The following GPATCH11 variants were observed in gnomAD, a reference collection of about 807,000 sequenced individuals.
GPATCH11 encodes G patch domain-containing protein 11.
A neutral mutation model predicts 44.8 loss-of-function variants in GPATCH11; 32 were observed. That is an observed-to-expected ratio of 0.71 (90% CI 0.54 to 0.96). GPATCH11 has a LOEUF of 0.96. Among genes scored for constraint, GPATCH11 ranks in the 40% least tolerant of loss-of-function variants. The pLI is 0.00. For missense variants in GPATCH11, 324 were observed against 303.1 expected (o/e 1.07, Z -0.51); for synonymous variants, 84 against 94.4 (o/e 0.89, Z 0.64).
chr2:37,092,644 G>A (rs1026768453), intron 6 of GPATCH11, among the ~76,000 whole-genome samples: 40 of 149,904 alleles, frequency 2.7e-4, no homozygotes, highest in African/African-American at 9.1e-4. Flanking sequence ...TAAAACCCAG[G>A]GTTTTATAGT....
In GPATCH11 at chr2:37,084,532, C is replaced by G; in HGVS notation, c.-52C>G. ...TCGGTGGGCGCATGCGCAGCGCGCG[C>G]TCTACGGCGCTGAACCGGGGCGAGC... On this transcript the variant is annotated 5_prime_UTR_variant, in exon 1 of 9. Transcript: ENST00000674370. The G allele has an allele frequency of 8.1e-7, 1 of 1,232,642 alleles. No homozygotes were observed. Among genetic ancestry groups the G allele is most frequent in the Non-Finnish European group, 1.0e-6 (1 of 988,324 alleles). 76.4% of individuals were successfully genotyped at this position (1,232,642 alleles called of 1,614,324 possible).
At chr2:37,092,580 G>T (rs574864784) in intron 6 of GPATCH11, among the ~76,000 whole-genome samples, 2 of 148,824 alleles carry the variant, frequency 1.3e-5, no homozygotes, top group African/African-American at 4.9e-5. Context: ...TGTGACAATT[G>T]ATATAAAAAT....
intron 7 of GPATCH11, chr2:37,094,448 T>C (rs1243718116): frequency 3.6e-6 from 1 of 274,112 alleles, no homozygotes; most frequent in Non-Finnish European, 6.9e-6. Context: ...AGGATTACTT[T>C]ACTAACCCCA....
In GPATCH11 at chr2:37,096,403, A is replaced by G. The variant is rs1308841065; in HGVS notation, c.*140A>G. ...TAATGTTTTGTTCTTTTTGTACTTT[A>G]GAATATGAATGTTCATTGACTTGAA... is the stretch of plus-strand genomic sequence containing the variant. On this transcript the variant is annotated 3_prime_UTR_variant, in exon 9 of 9. Transcript: ENST00000674370. The G allele has an allele frequency of 1.6e-6, 1 of 631,346 alleles. No homozygotes were observed. The highest frequency in any genetic ancestry group is 1.9e-5 in the African/African-American group (1 of 52,798). 39.1% of individuals were successfully genotyped at this position (631,346 alleles called of 1,614,324 possible). A position where few individuals can be genotyped will look rare whatever the true frequency, so the allele number is the denominator to read the frequency against.
At chr2:37,088,238 C>T (rs1572976180) in intron 1 of GPATCH11, 131 bp from the exon 2 acceptor site, 3 of 445,544 alleles carry the variant, frequency 6.7e-6, no homozygotes, top group Non-Finnish European at 1.2e-5. Flanking sequence ...GAAATGTCCA[C>T]AGATAAAGAT....
At position 37,099,118 on chromosome 2, in the gene GPATCH11, A is replaced by T. The variant is rs184191041; in HGVS notation, c.*2855A>T. On this transcript the variant is annotated 3_prime_UTR_variant, in exon 9 of 9. Coordinates refer to ENST00000674370, the MANE Select transcript of GPATCH11 (RefSeq NM_174931.4). The stretch of plus-strand genomic sequence containing the variant: ...GTGCCATGTTTATTTTCAAAGTCCT[A>T]TCTAGAAATTCTAAAATGTCTAATT... The T allele has an allele frequency of 2.8e-3, 431 of 152,344 alleles. 6 individuals are homozygous for T. Among genetic ancestry groups the T allele is most frequent in the African/African-American group, 1.0e-2 (414 of 41,590 alleles). 9.4% of individuals were successfully genotyped at this position (152,344 alleles called of 1,614,324 possible). A position where few individuals can be genotyped will look rare whatever the true frequency, so the allele number is the denominator to read the frequency against.
Position 37,089,860 on chromosome 2 carries a change from A to T in GPATCH11, c.280A>T (p.Lys94Ter), listed in dbSNP as rs768776214. 6.5e-7 allele frequency: 1 copy of T among 1,549,200 alleles called. No individual in the cohort carries two copies. The highest frequency in any genetic ancestry group is 8.7e-7 in the Non-Finnish European group (1 of 1,145,194). The part of the protein sequence containing the change: ...MGYKSGQALG[K>*]SGGGIVEPIP... ...CTATAAAAGTGGTCAGGCACTTGGCAAGAGTGGTAAGTCACATGTGGAAAT... is the reference window on the plus strand; with the variant it reads ...CTATAAAAGTGGTCAGGCACTTGGCTAGAGTGGTAAGTCACATGTGGAAAT... Residue 94 changes from lysine to a stop codon, truncating the protein, a stop_gained, in exon 3 of 9, where the codon AAG (lysine) becomes TAG (stop). Transcript: ENST00000674370. LOFTEE classifies it high-confidence loss of function.
chr2:37,088,892 A>G (rs1051309474), intron 2 of GPATCH11, among the ~76,000 whole-genome samples: 1 of 152,218 alleles, frequency 6.6e-6, no homozygotes, highest in African/African-American at 2.4e-5. Context: ...CTATGTCACC[A>G]TAGAAAGATA....
Position 37,090,711 on chromosome 2 carries a change from A to G in GPATCH11, c.317A>G (p.Asn106Ser), listed in dbSNP as rs1673276292. The change falls in exon 4 of 9, where the codon AAT (asparagine) becomes AGT (serine). Residue 106 changes from asparagine (N) to serine (S), a missense_variant. Physicochemically the swap from Asn to Ser is conservative, Grantham distance 46. Coordinates refer to ENST00000674370, the MANE Select transcript of GPATCH11 (RefSeq NM_174931.4). ...GGTATTGTTGAACCAATTCCTCTCA[A>G]TATCAAAACAGGTACGTAATTATTT... The part of the protein sequence containing the change: ...GGGIVEPIPL[N>S]IKTGKSGIGH... 6 of 1,452,714 alleles carry G rather than the reference A, an allele frequency of 4.1e-6. No individual in the cohort carries two copies. The highest frequency in any genetic ancestry group is 5.6e-6 in the Non-Finnish European group (6 of 1,062,318). 90.0% of individuals were successfully genotyped at this position (1,452,714 alleles called of 1,614,324 possible).
intron 4 of GPATCH11, 92 bp from the exon 5 acceptor site, chr2:37,091,824 T>C: frequency 4.9e-6 from 6 of 1,215,490 alleles, no homozygotes; most frequent in Non-Finnish European, 6.9e-6. Context: ...AGTACTCAAA[T>C]GAGAATTGCA....
rs1004206042 is a variant in GPATCH11 at position 37,097,401 on chromosome 2, T to C, written c.*1138T>C. 1.3e-5 allele frequency: 2 copies of C among 152,188 alleles called. No individual in the cohort carries two copies. Among genetic ancestry groups the C allele is most frequent in the Non-Finnish European group, 2.9e-5 (2 of 68,038 alleles). The allele number at this position is 152,188 out of a possible 1,614,324, so 9.4% of individuals were successfully genotyped here. A position where few individuals can be genotyped will look rare whatever the true frequency, so the allele number is the denominator to read the frequency against. On this transcript the variant is annotated 3_prime_UTR_variant, in exon 9 of 9. Coordinates refer to ENST00000674370, the MANE Select transcript of GPATCH11 (RefSeq NM_174931.4). ...GTGAGGCATCAAAATCATGAACCTT[T>C]TTAAAAGTTCATATGCTCAGGTGTC...
chr2:37,094,334 A>G, intron 7 of GPATCH11, 139 bp downstream of exon 7: 2 of 587,462 alleles, frequency 3.4e-6, no homozygotes, highest in South Asian at 4.0e-5. Flanking sequence ...CCTGCCCACC[A>G]GATACCAGTT....
chr2:37,087,208 A>C (rs1673091461), intron 1 of GPATCH11, among the ~76,000 whole-genome samples: 2 of 152,198 alleles, frequency 1.3e-5, no homozygotes, highest in African/African-American at 4.8e-5. Context: ...GACATAGAGT[A>C]CTATAATTGA....
intron 3 of GPATCH11, 108 bp from the exon 4 acceptor site, chr2:37,090,570 TATC>T: frequency 1.6e-6 from 1 of 614,066 alleles, no homozygotes; most frequent in Non-Finnish European, 2.9e-6. Flanking sequence ...CAATTTTGAA[TATC>T]ATTGAAACAG....
At chr2:37,089,511 G>C in intron 2 of GPATCH11, 129 bp from the exon 3 acceptor site, 1 of 694,830 alleles carries the variant, frequency 1.4e-6, no homozygotes. Context: ...AGGTTGCAGT[G>C]AGCCAAGATT....
rs148393486 is a variant in GPATCH11 at position 37,085,234 on chromosome 2, T to A, written c.-14+664T>A. Among the ~76,000 whole-genome samples, 607 of 152,348 alleles carry A rather than the reference T, an allele frequency of 4.0e-3. 5 individuals are homozygous for A. The highest frequency in any genetic ancestry group is 0.014 in the African/African-American group (579 of 41,576). ...AGTTAAGTAGGTCTCTTAAAAACAATGTAATCCTATTTGCAAGGCACTATG... is the reference window on the plus strand; with the variant it reads ...AGTTAAGTAGGTCTCTTAAAAACAAAGTAATCCTATTTGCAAGGCACTATG... On this transcript the variant is annotated intron_variant, in intron 1 of 8. Transcript: ENST00000674370.
Position 37,096,402 on chromosome 2 carries a change from T to G in GPATCH11, c.*139T>G, listed in dbSNP as rs889571101. 17 of 633,698 alleles carry G rather than the reference T, an allele frequency of 2.7e-5. No homozygotes were observed. The highest frequency in any genetic ancestry group is 4.8e-5 in the Non-Finnish European group (17 of 356,748). 39.3% of individuals were successfully genotyped at this position (633,698 alleles called of 1,614,324 possible). ...ATAATGTTTTGTTCTTTTTGTACTT[T>G]AGAATATGAATGTTCATTGACTTGA... On this transcript the variant is annotated 3_prime_UTR_variant, in exon 9 of 9. Transcript: ENST00000674370.
rs1673070844 is a variant in GPATCH11 at position 37,086,750 on chromosome 2, G to C, written c.-13-1619G>C. On this transcript the variant is annotated intron_variant, in intron 1 of 8. Coordinates refer to ENST00000674370, the MANE Select transcript of GPATCH11 (RefSeq NM_174931.4). ...GCAGGTGTAGGTTGCAGTCAGCTGA[G>C]ATCACACCACTGCACTCCAGCCTGG... Among the ~76,000 whole-genome samples, 3 of 152,282 alleles carry C rather than the reference G, an allele frequency of 2.0e-5. No individual in the cohort carries two copies. The South Asian group carries it at 6.2e-4, about 32-fold the overall frequency.
chr2:37,085,041 C>T (rs777172503), intron 1 of GPATCH11, among the ~76,000 whole-genome samples: 17 of 152,300 alleles, frequency 1.1e-4, no homozygotes, highest in Admixed American at 3.9e-4. Context: ...CGACCACTTG[C>T]ATTGCTATCA....
Sources: gnomAD v4.1 joint callset for allele counts (sites outside exome capture counted in the v4.1 genomes callset) on GRCh38, gnomAD v4.1.1 for gene constraint, MANE v1.5 for transcripts, NCBI Gene and HGNC (gene_info 2026-07-23, HGNC 2026-07-21) for gene names.